The following DAB1 variants were observed in gnomAD, a reference collection of about 807,000 sequenced individuals.
The protein encoded by DAB1 is disabled homolog 1.
Under a neutral mutation model 64.6 loss-of-function variants are expected in DAB1, and 15 were observed. The observed-to-expected ratio is 0.23, with a 90% CI of 0.16 to 0.36. DAB1 has a LOEUF of 0.36. Among genes scored for constraint, DAB1 ranks in the 10% least tolerant of loss-of-function variants. The probability of loss-of-function intolerance (pLI) is 1.00; values close to 1 mark genes in which losing one functional copy is unlikely to be tolerated. For missense variants in DAB1, 596 were observed against 706.7 expected, an observed-to-expected ratio of 0.84 and a Z score of 1.78; for synonymous variants, 235 against 251.9, an observed-to-expected ratio of 0.93 and a Z score of 0.64.
Position 57,809,242 on chromosome 1 carries a change from C to A in DAB1, n.551+74757G>T, listed in dbSNP as rs540069366. On this transcript the variant is annotated intron_variant and non_coding_transcript_variant, in intron 6 of 20. Coordinates refer to the DAB1 transcript ENST00000485760. ...TGACTAACTGTGAATTAAGTTAAAC[C>A]AGATCAGAATAACACTTTGTTCATT... is the stretch of plus-strand genomic sequence containing the variant. Among the ~76,000 whole-genome samples the A allele has an allele frequency of 2.0e-5, 3 of 152,184 alleles. No individual in the cohort carries two copies. The East Asian group carries it at 5.8e-4, about 29-fold the overall frequency.
chr1:57,733,616 C>A (rs564741103), intron 6 of DAB1, among the ~76,000 whole-genome samples: 2 of 152,176 alleles, frequency 1.3e-5, no homozygotes, highest in East Asian at 3.9e-4. Context: ...GGGATCTGCC[C>A]TCAGTATAGA....
intron 2 of DAB1, among the ~76,000 whole-genome samples, chr1:57,184,444 C>T (rs974954822): frequency 3.9e-5 from 6 of 152,166 alleles, no homozygotes; most frequent in Admixed American, 1.3e-4. Flanking sequence ...ATGCTACTCC[C>T]GTGCCAACCC....
chr1:57,084,556 A>G (rs1365520794), intron 4 of DAB1, among the ~76,000 whole-genome samples: 2 of 152,306 alleles, frequency 1.3e-5, no homozygotes, highest in South Asian at 2.1e-4. Flanking sequence ...GAGTTTGCCA[A>G]GATAAACTGT....
intron 5 of DAB1, among the ~76,000 whole-genome samples, chr1:57,949,818 G>A (rs1645244938): frequency 6.6e-6 from 1 of 152,042 alleles, no homozygotes; most frequent in South Asian, 2.1e-4. Context: ...TATCCTCCAA[G>A]AGGAAAGAAA....
At chr1:57,840,089 C>T (rs758929656) in intron 1 of DAB1, among the ~76,000 whole-genome samples, 1 of 152,284 alleles carries the variant, frequency 6.6e-6, no homozygotes, top group Middle Eastern at 3.4e-3. Context: ...AAATAGGAGA[C>T]TGTTATTGAT....
chr1:57,219,187 T>C (rs1479514503), intron 2 of DAB1, among the ~76,000 whole-genome samples: 4 of 152,098 alleles, frequency 2.6e-5, no homozygotes, highest in African/African-American at 9.7e-5. Flanking sequence ...GTTGCTACCT[T>C]TATATTTTAC....
chr1:58,063,905 G>A (rs1198604646), intron 5 of DAB1, among the ~76,000 whole-genome samples: 4 of 152,202 alleles, frequency 2.6e-5, no homozygotes, highest in Non-Finnish European at 4.4e-5. Context: ...GATTCCCAGT[G>A]AGAAAGTGAG....
chr1:57,169,193 C>T (rs1661491715), intron 2 of DAB1, among the ~76,000 whole-genome samples: 2 of 152,302 alleles, frequency 1.3e-5, no homozygotes, highest in Non-Finnish European at 2.9e-5. Flanking sequence ...AAAATCTTGT[C>T]ACCGACTGAG....
chr1:57,598,271 G>A lies in DAB1; in HGVS notation n.625+51321C>T, dbSNP rs1352635994. Among the ~76,000 whole-genome samples the A allele has an allele frequency of 2.6e-5, 4 of 152,164 alleles. No homozygotes were observed. The East Asian group carries it at 7.7e-4, about 29-fold the overall frequency. On this transcript the variant is annotated intron_variant and non_coding_transcript_variant, in intron 7 of 20. Transcript: ENST00000485760. Reference sequence around the variant, plus strand: ...TGCTGGGATTACAGGCGTGAGCCACGGCGCCCAGCCGGTATCCACATTTTA... The same window carrying A: ...TGCTGGGATTACAGGCGTGAGCCACAGCGCCCAGCCGGTATCCACATTTTA...
intron 6 of DAB1, among the ~76,000 whole-genome samples, chr1:57,668,867 T>C (rs1193049447): frequency 6.6e-6 from 1 of 152,138 alleles, no homozygotes; most frequent in Non-Finnish European, 1.5e-5. Flanking sequence ...AACTCTATTA[T>C]AATCTTATAT....
At chr1:57,686,286 T>G (rs1646696698) in intron 6 of DAB1, among the ~76,000 whole-genome samples, 1 of 152,106 alleles carries the variant, frequency 6.6e-6, no homozygotes, top group Admixed American at 6.5e-5. Flanking sequence ...GCACACAAAT[T>G]AGAAATTCTA....
chr1:57,663,399 A>T (rs887786970), intron 6 of DAB1, among the ~76,000 whole-genome samples: 1 of 152,270 alleles, frequency 6.6e-6, no homozygotes, highest in African/African-American at 2.4e-5. Flanking sequence ...AGAAGCTTAG[A>T]AGGAAGAAGG....
chr1:57,493,527 C>T (rs187165469), intron 7 of DAB1, among the ~76,000 whole-genome samples: 36 of 152,138 alleles, frequency 2.4e-4, no homozygotes, highest in Non-Finnish European at 3.5e-4. Flanking sequence ...TTTGTTAATC[C>T]GCTGATCCAT....
intron 4 of DAB1, among the ~76,000 whole-genome samples, chr1:57,073,992 T>G (rs191044761): frequency 2.4e-3 from 366 of 152,278 alleles, no homozygotes; most frequent in South Asian, 7.5e-3. Context: ...TCCTCTCACT[T>G]CAGCCTCCTG....
chr1:57,564,165 C>T (rs1645088045), intron 7 of DAB1, among the ~76,000 whole-genome samples: 1 of 152,134 alleles, frequency 6.6e-6, no homozygotes, highest in Admixed American at 6.5e-5. Context: ...TGCTGATACC[C>T]AGGCAAAGAG....
intron 2 of DAB1, among the ~76,000 whole-genome samples, chr1:57,194,837 C>CA (rs1402290652): frequency 6.6e-6 from 1 of 152,204 alleles, no homozygotes; most frequent in Non-Finnish European, 1.5e-5. Flanking sequence ...GAAACACAGC[C>CA]ACAGCCATTG....
intron 7 of DAB1, among the ~76,000 whole-genome samples, chr1:57,448,120 C>T (rs1686217607): frequency 6.6e-6 from 1 of 152,198 alleles, no homozygotes; most frequent in South Asian, 2.1e-4. Context: ...CTCCTTGAGT[C>T]ACCCTAGTGA....
At chr1:58,193,720 G>A (rs1657515852) in intron 4 of DAB1, among the ~76,000 whole-genome samples, 1 of 152,148 alleles carries the variant, frequency 6.6e-6, no homozygotes, top group South Asian at 2.1e-4. Context: ...GCCAGGCATG[G>A]TGGCGCACGC....
At chr1:57,303,087 C>T (rs1020266109) in intron 1 of DAB1, among the ~76,000 whole-genome samples, 19 of 152,256 alleles carry the variant, frequency 1.2e-4, no homozygotes, top group African/African-American at 3.9e-4. Context: ...CTGATGTAGA[C>T]GACTGAGATA....
Sources: gnomAD v4.1 joint callset for allele counts (sites outside exome capture counted in the v4.1 genomes callset) on GRCh38, gnomAD v4.1.1 for gene constraint, MANE v1.5 for transcripts, NCBI Gene and HGNC (gene_info 2026-07-23, HGNC 2026-07-21) for gene names.